Variants in CSMD1 observed in about 807,000 individuals in gnomAD.
The protein encoded by CSMD1 is CUB and sushi domain-containing protein 1.
CSMD1 carries 213 observed loss-of-function variants against 417.5 expected under a neutral mutation model. That is an observed-to-expected ratio of 0.51 (90% CI 0.46 to 0.57). CSMD1 has a LOEUF of 0.57. Among genes scored for constraint, CSMD1 ranks in the 20% least tolerant of loss-of-function variants. The pLI, the probability that CSMD1 is intolerant of heterozygous loss-of-function variation, is 0.00. For missense variants in CSMD1, 6,923 were observed against 4,529.7 expected (o/e 1.53, Z -15.17); for synonymous variants, 2,862 against 1,736.8 (o/e 1.65, Z -16.11).
chr8:3,126,320 T>G (rs143709103), intron 41 of CSMD1, among the ~76,000 whole-genome samples: 1 of 152,310 alleles, frequency 6.6e-6, no homozygotes, highest in East Asian at 1.9e-4. Context: ...TATTTCTCAT[T>G]AATCAAGGCA....
At chr8:4,920,851 GAAAAGAAAAGAAAAGAAAAGAA>G (rs1563768326) in intron 1 of CSMD1, among the ~76,000 whole-genome samples, 4,654 of 61,778 alleles carry the variant, frequency 0.075, 1,039 homozygotes, top group Non-Finnish European at 0.088. Context: ...CGAAAGAAAA[GAAAAGAAAAGAAAAGAAAAGAA>G]AAGAAAAGAA....
chr8:4,542,839 A>C (rs1210175737), intron 2 of CSMD1, among the ~76,000 whole-genome samples: 1 of 152,206 alleles, frequency 6.6e-6, no homozygotes, highest in African/African-American at 2.4e-5. Flanking sequence ...TTTGTAAATA[A>C]AGAAAAAAGT....
At chr8:3,254,768 TC>T (rs1426815705) in intron 26 of CSMD1, among the ~76,000 whole-genome samples, 1 of 152,162 alleles carries the variant, frequency 6.6e-6, no homozygotes, top group Non-Finnish European at 1.5e-5. Context: ...AGTTAGCCAT[TC>T]ATGTAATTTT....
At chr8:4,958,709 G>A (rs1392875249) in intron 1 of CSMD1, among the ~76,000 whole-genome samples, 2 of 152,136 alleles carry the variant, frequency 1.3e-5, no homozygotes, top group Non-Finnish European at 2.9e-5. Flanking sequence ...ATTAGATTTA[G>A]TGACTCAATA....
intron 5 of CSMD1, among the ~76,000 whole-genome samples, chr8:3,863,956 G>A (rs773403263): frequency 6.6e-6 from 1 of 152,178 alleles, no homozygotes; most frequent in Non-Finnish European, 1.5e-5. Flanking sequence ...TTAGAGGTCT[G>A]ATTCTTTTTC....
chr8:3,777,103 A>G (rs2623652), intron 5 of CSMD1, among the ~76,000 whole-genome samples: 39,207 of 144,586 alleles, frequency 0.27, 5,769 homozygotes, highest in African/African-American at 0.42. Context: ...TCATCTGTCT[A>G]TATTAGCTAT....
At chr8:4,568,739 A>G (rs1798739530) in intron 2 of CSMD1, among the ~76,000 whole-genome samples, 1 of 152,162 alleles carries the variant, frequency 6.6e-6, no homozygotes, top group Non-Finnish European at 1.5e-5. Flanking sequence ...TCCCACCAAC[A>G]GTGTAAAAGC....
chr8:3,810,816 T>C (rs566229431), intron 5 of CSMD1, among the ~76,000 whole-genome samples: 5 of 152,178 alleles, frequency 3.3e-5, no homozygotes, highest in Admixed American at 6.5e-5. Flanking sequence ...CCTCACTCTT[T>C]GTAACACAAA....
chr8:4,861,290 G>C (rs2116874405), intron 1 of CSMD1, among the ~76,000 whole-genome samples: 1 of 152,196 alleles, frequency 6.6e-6, no homozygotes, highest in East Asian at 1.9e-4. Context: ...GGTACAGTAT[G>C]CACATAATCG....
chr8:3,016,635 C>T (rs556812632), intron 52 of CSMD1, among the ~76,000 whole-genome samples: 2 of 152,284 alleles, frequency 1.3e-5, no homozygotes, highest in Admixed American at 1.3e-4. Context: ...CATTTCTAAT[C>T]TTTTTCTATT....
At chr8:3,304,650 C>T (rs544128542) in intron 25 of CSMD1, among the ~76,000 whole-genome samples, 32 of 152,036 alleles carry the variant, frequency 2.1e-4, no homozygotes, top group East Asian at 1.5e-3. Flanking sequence ...TTGAAATATA[C>T]GTATACGAAG....
At chr8:3,089,406 T>A (rs978945055) in intron 48 of CSMD1, among the ~76,000 whole-genome samples, 2 of 152,246 alleles carry the variant, frequency 1.3e-5, no homozygotes, top group Non-Finnish European at 2.9e-5. Flanking sequence ...TTTACGGAAT[T>A]GTCCAGAACC....
chr8:4,764,693 A>G (rs1417968189), intron 1 of CSMD1, among the ~76,000 whole-genome samples: 3 of 151,070 alleles, frequency 2.0e-5, no homozygotes, highest in Non-Finnish European at 4.4e-5. Context: ...TTAAAAAAAA[A>G]AAAACCCATC....
chr8:4,293,206 C>T (rs186350813), intron 3 of CSMD1, among the ~76,000 whole-genome samples: 77 of 152,212 alleles, frequency 5.1e-4, no homozygotes, highest in African/African-American at 1.8e-3. Flanking sequence ...AGGAAGAGAG[C>T]CCAATGATGC....
intron 2 of CSMD1, among the ~76,000 whole-genome samples, chr8:4,610,340 G>T (rs765438679): frequency 6.6e-6 from 1 of 152,148 alleles, no homozygotes; most frequent in African/African-American, 2.4e-5. Flanking sequence ...AAGCACTATT[G>T]TAAGCATGTG....
intron 3 of CSMD1, among the ~76,000 whole-genome samples, chr8:4,168,503 T>C (rs922967454): frequency 6.6e-6 from 1 of 152,016 alleles, no homozygotes; most frequent in African/African-American, 2.4e-5. Flanking sequence ...GGCTCTAACA[T>C]GCAACACTAG....
intron 1 of CSMD1, among the ~76,000 whole-genome samples, chr8:4,916,884 G>T (rs1806101040): frequency 6.6e-6 from 1 of 152,356 alleles, no homozygotes. Context: ...TCCTTTGTCA[G>T]CATTACAGTT....
chr8:4,867,019 G>T (rs1337247350), intron 1 of CSMD1, among the ~76,000 whole-genome samples: 1 of 152,016 alleles, frequency 6.6e-6, no homozygotes, highest in Non-Finnish European at 1.5e-5. Context: ...TTCTCGGCAG[G>T]CTTTGATTGC....
At chr8:4,120,647 T>G (rs776836446) in intron 3 of CSMD1, among the ~76,000 whole-genome samples, 5 of 152,200 alleles carry the variant, frequency 3.3e-5, no homozygotes, top group Non-Finnish European at 5.9e-5. Flanking sequence ...CCTTCTCTAG[T>G]CAGTAACTTC....
Sources: allele counts gnomAD v4.1 joint callset (sites outside exome capture counted in the v4.1 genomes callset), GRCh38; gene constraint gnomAD v4.1.1; transcripts MANE v1.5; gene names NCBI Gene and HGNC (gene_info 2026-07-23, HGNC 2026-07-21).